Variants in ADCY1 observed in about 807,000 individuals in gnomAD.
ADCY1 encodes adenylate cyclase 1, also known as adenylate cyclase type 1.
In ADCY1, 28 loss-of-function variants were observed where a neutral mutation model predicts 105.4. That is an observed-to-expected ratio of 0.27 (90% CI 0.20 to 0.36). The LOEUF (loss-of-function observed/expected upper bound fraction) is 0.36. ADCY1 is among the 10% of genes least tolerant of loss of function. The pLI, the probability that ADCY1 is intolerant of heterozygous loss-of-function variation, is 1.00. For missense variants in ADCY1, 977 were observed against 1,434.2 expected, an observed-to-expected ratio of 0.68 and a Z score of 5.15; for synonymous variants, 655 against 623.8, an observed-to-expected ratio of 1.05 and a Z score of -0.75.
chr7:45,704,597 C>T lies in ADCY1; in HGVS notation c.2798C>T (p.Ala933Val), dbSNP rs1482914372. ...GSTYMAAVGL[A>V]PTSGTKAKKS... is the part of the protein sequence containing the mutation. ...ACCTACATGGCCGCTGTGGGGCTAG[C>T]GCCCACCTCGGGGACCAAGGTGAGT... The change falls in exon 17 of 20, where the codon GCG becomes GTG. Residue 933 changes from alanine to valine, a missense_variant. Physicochemically the swap from Ala to Val is moderately conservative, Grantham distance 64. This residue lies in a region of ADCY1 where 152 missense variants were observed against 293.7 expected (regional missense o/e 0.52). Transcript: ENST00000297323. The T allele has an allele frequency of 8.7e-6, 14 of 1,613,976 alleles. No individual in the cohort carries two copies. Among genetic ancestry groups the T allele is most frequent in the South Asian group, 4.4e-5 (4 of 91,092 alleles).
Position 45,713,986 on chromosome 7 carries a change from G to C in ADCY1, c.3351G>C (p.Lys1117Asn). Residue 1117 changes from lysine (K) to asparagine (N), a missense_variant, in exon 20 of 20, where the codon AAG (lysine) becomes AAC (asparagine). This residue lies in a region of ADCY1 where 78 missense variants were observed against 60.0 expected (regional missense o/e 1.30). Coordinates refer to ENST00000297323, the MANE Select transcript of ADCY1 (RefSeq NM_021116.4). ...ACCTGCCCTCTGCAGCAGCTGGGAAGGAGGCTTAGTGGAGCCCACGTGGGC... is the reference window on the plus strand; with the variant it reads ...ACCTGCCCTCTGCAGCAGCTGGGAACGAGGCTTAGTGGAGCCCACGTGGGC... ...GQYLPSAAAG[K>N]EA 1 of 776,114 alleles carries C rather than the reference G, an allele frequency of 1.3e-6. No individual in the cohort carries two copies. The highest frequency in any genetic ancestry group is 1.3e-5 in the South Asian group (1 of 74,524). The allele number at this position is 776,114 out of a possible 1,614,324, so 48.1% of individuals were successfully genotyped here. A position where few individuals can be genotyped will look rare whatever the true frequency, so the allele number is the denominator to read the frequency against.
intron 17 of ADCY1, among the ~76,000 whole-genome samples, chr7:45,705,535 A>T (rs1785100638): frequency 6.6e-6 from 1 of 152,182 alleles, no homozygotes; most frequent in Non-Finnish European, 1.5e-5. Flanking sequence ...CTGGTTTTTT[A>T]AAAAAACTCT....
chr7:45,607,138 C>T (rs558815981), intron 2 of ADCY1, among the ~76,000 whole-genome samples: 108 of 152,280 alleles, frequency 7.1e-4, no homozygotes, highest in Non-Finnish European at 1.3e-3. Flanking sequence ...ATCCAATGGA[C>T]AGAGCTAATG....
chr7:45,617,539 T>A (rs1793770106), intron 3 of ADCY1, among the ~76,000 whole-genome samples: 1 of 152,194 alleles, frequency 6.6e-6, no homozygotes, highest in African/African-American at 2.4e-5. Context: ...ATTTGATAAA[T>A]GAATTCAATC....
chr7:45,577,670 A>G (rs1792390610), intron 1 of ADCY1, among the ~76,000 whole-genome samples: 1 of 152,324 alleles, frequency 6.6e-6, no homozygotes, highest in South Asian at 2.1e-4. Flanking sequence ...TGTCCCAAAG[A>G]GGATGAAAAA....
intron 8 of ADCY1, among the ~76,000 whole-genome samples, chr7:45,671,275 T>C (rs879307033): frequency 0.015 from 2,229 of 152,342 alleles, 21 homozygotes; most frequent in Middle Eastern, 0.041. Flanking sequence ...GTGCCTTCCT[T>C]TCATTGCTAA....
Position 45,686,632 on chromosome 7 carries a change from G to A in ADCY1, c.2413G>A (p.Val805Met). 1 of 1,613,330 alleles carries A rather than the reference G, an allele frequency of 6.2e-7. No individual in the cohort carries two copies. The highest frequency in any genetic ancestry group is 8.5e-7 in the Non-Finnish European group (1 of 1,179,408). The change falls in exon 14 of 20, where the codon GTG becomes ATG. Residue 805 changes from valine (V) to methionine (M), a missense_variant. Val to Met is a conservative substitution (Grantham distance 21). This residue lies in a region of ADCY1 where 152 missense variants were observed against 293.7 expected (regional missense o/e 0.52). Coordinates refer to ENST00000297323, the MANE Select transcript of ADCY1 (RefSeq NM_021116.4). The surrounding 1 kb of genome is among the most constrained non-coding windows in gnomAD (Gnocchi z 4.3). ...SCALALHARQVDIRLRLDYLW... is the reference protein window; with the variant it reads ...SCALALHARQMDIRLRLDYLW... ...TGCGCTGGCCCTGCATGCCAGGCAG[G>A]TGGACATCAGGCTGAGGCTGGACTA...
intron 5 of ADCY1, among the ~76,000 whole-genome samples, chr7:45,652,014 T>C (rs1794824217): frequency 6.6e-6 from 1 of 152,192 alleles, no homozygotes; most frequent in Non-Finnish European, 1.5e-5. Flanking sequence ...CTACAGGCTG[T>C]ACAGGAGGCA....
intron 5 of ADCY1, among the ~76,000 whole-genome samples, chr7:45,654,428 C>T (rs1302746953): frequency 6.6e-6 from 1 of 152,160 alleles, no homozygotes; most frequent in Non-Finnish European, 1.5e-5. Flanking sequence ...GCTTTTCCTC[C>T]CTGACCCACT....
intron 5 of ADCY1, among the ~76,000 whole-genome samples, chr7:45,655,998 G>A (rs1794930549): frequency 6.6e-6 from 1 of 152,096 alleles, no homozygotes; most frequent in Non-Finnish European, 1.5e-5. Context: ...AAATAAAAAA[G>A]TATATTCAGC....
chr7:45,613,795 A>G (rs2115885555), intron 3 of ADCY1, among the ~76,000 whole-genome samples: 1 of 152,332 alleles, frequency 6.6e-6, no homozygotes, highest in East Asian at 1.9e-4. Flanking sequence ...TGTCACATAC[A>G]ACAGAACCAG....
chr7:45,647,209 T>G lies in ADCY1; in HGVS notation c.1021-1461T>G, dbSNP rs1360956360. On this transcript the variant is annotated intron_variant, in intron 4 of 19. Coordinates refer to ENST00000297323, the MANE Select transcript of ADCY1 (RefSeq NM_021116.4). This position sits in a 1 kb window ranked among gnomAD's most constrained non-coding sequence, Gnocchi z 4.6. The stretch of plus-strand genomic sequence containing the variant: ...GCTCAGCTCTGGGAAGATACTTCCA[T>G]GGACAGGCCATTCAGCTGCTAGGCC... Among the ~76,000 whole-genome samples, 1 of 152,224 alleles carries G rather than the reference T, an allele frequency of 6.6e-6. No individual in the cohort carries two copies. The highest frequency in any genetic ancestry group is 1.5e-5 in the Non-Finnish European group (1 of 68,044).
At position 45,638,155 on chromosome 7, in the gene ADCY1, G is replaced by A. The variant is rs529031403; in HGVS notation, c.1021-10515G>A. Reference sequence around the variant, plus strand: ...AAAAACAAAAAACAAAAAAAAACCTGGGTGATCCTTTTTCAAATACATTTT... The same window carrying A: ...AAAAACAAAAAACAAAAAAAAACCTAGGTGATCCTTTTTCAAATACATTTT... On this transcript the variant is annotated intron_variant, in intron 4 of 19. Transcript: ENST00000297323. 1.1e-4 allele frequency among the ~76,000 whole-genome samples: 16 copies of A among 152,276 alleles called. No homozygotes were observed. The South Asian group carries it at 2.9e-3, about 28-fold the overall frequency.
intron 2 of ADCY1, among the ~76,000 whole-genome samples, chr7:45,601,244 CT>C (rs1562682176): frequency 6.6e-6 from 1 of 152,108 alleles, no homozygotes; most frequent in Non-Finnish European, 1.5e-5. Flanking sequence ...GGTTTCCTCC[CT>C]TCCCCCCCTG....
At chr7:45,603,439 T>C (rs756961918) in intron 2 of ADCY1, among the ~76,000 whole-genome samples, 3 of 152,232 alleles carry the variant, frequency 2.0e-5, no homozygotes, top group Non-Finnish European at 2.9e-5. Flanking sequence ...ATGCAAAGCC[T>C]CTAGTTTCTC....
intron 11 of ADCY1, among the ~76,000 whole-genome samples, chr7:45,683,550 G>A (rs1445765711): frequency 1.3e-5 from 2 of 152,162 alleles, no homozygotes; most frequent in Non-Finnish European, 2.9e-5. Context: ...GGCTGGGAGA[G>A]AGAAGGCAGG....
chr7:45,610,512 G>C lies in ADCY1; in HGVS notation c.908+15G>C. On this transcript the variant is annotated intron_variant, in intron 3 of 19. Coordinates refer to ENST00000297323, the MANE Select transcript of ADCY1 (RefSeq NM_021116.4). The stretch of plus-strand genomic sequence containing the variant: ...GACAATGTGAGGTAGGGCTGGTGCT[G>C]ACCCGGCACAGCGGGGAGCCTGGGA... The C allele has an allele frequency of 6.2e-7, 1 of 1,607,844 alleles. No homozygotes were observed. The highest frequency in any genetic ancestry group is 8.5e-7 in the Non-Finnish European group (1 of 1,174,636).
intron 14 of ADCY1, among the ~76,000 whole-genome samples, chr7:45,694,115 TAAA>T (rs140981457): frequency 4.5e-3 from 515 of 115,436 alleles, no homozygotes; most frequent in Middle Eastern, 0.014. Context: ...TAGAGTATAA[TAAA>T]AAAAAAAAAA....
At chr7:45,659,189 C>A (rs761750997) in intron 6 of ADCY1, among the ~76,000 whole-genome samples, 1 of 152,244 alleles carries the variant, frequency 6.6e-6, no homozygotes, top group Non-Finnish European at 1.5e-5. Flanking sequence ...GCCCTGTCCT[C>A]ACCCTCTCAG....
Sources: gnomAD v4.1 joint callset for allele counts (sites outside exome capture counted in the v4.1 genomes callset) on GRCh38, gnomAD v4.1.1 for gene constraint, gnomAD v4.1.1 regional missense constraint, Gnocchi (gnomAD v3.1) non-coding constraint, MANE v1.5 for transcripts, NCBI Gene and HGNC (gene_info 2026-07-23, HGNC 2026-07-21) for gene names.